The following TANC1 variants were observed in gnomAD, a reference collection of about 807,000 sequenced individuals.
TANC1 encodes tetratricopeptide repeat, ankyrin repeat and coiled-coil containing 1.
Under a neutral mutation model 149.7 loss-of-function variants are expected in TANC1, and 77 were observed. The observed-to-expected ratio is 0.51, with a 90% CI of 0.43 to 0.62. The LOEUF (loss-of-function observed/expected upper bound fraction) is 0.62. Ranked by LOEUF, TANC1 falls within the 20% of genes least tolerant of loss-of-function variation. The probability of loss-of-function intolerance (pLI) is 0.00; values close to 1 mark genes in which losing one functional copy is unlikely to be tolerated. For missense variants in TANC1, 1,985 were observed against 2,321.8 expected, an observed-to-expected ratio of 0.85 and a Z score of 2.98; for synonymous variants, 854 against 925.0, an observed-to-expected ratio of 0.92 and a Z score of 1.39.
At chr2:158,970,296 C>T (rs1306751640) in intron 1 of TANC1, among the ~76,000 whole-genome samples, 1 of 152,146 alleles carries the variant, frequency 6.6e-6, no homozygotes, top group Non-Finnish European at 1.5e-5. Context: ...TTTATTCCTG[C>T]CAGGCTGGCA....
At chr2:159,092,472 A>G (rs2045653703) in intron 3 of TANC1, among the ~76,000 whole-genome samples, 3 of 152,198 alleles carry the variant, frequency 2.0e-5, no homozygotes, top group African/African-American at 7.2e-5. Context: ...ACAGCCTGTA[A>G]TGGTAAAAAC....
At chr2:159,065,494 TTC>T (rs1238255459) in intron 2 of TANC1, among the ~76,000 whole-genome samples, 4 of 152,250 alleles carry the variant, frequency 2.6e-5, no homozygotes, top group African/African-American at 9.6e-5. Flanking sequence ...ACCATGTAGC[TTC>T]TTTCATTATC....
chr2:159,201,589 AT>A (rs1288145020), intron 19 of TANC1, among the ~76,000 whole-genome samples: 3 of 152,178 alleles, frequency 2.0e-5, no homozygotes, highest in African/African-American at 7.2e-5. Context: ...TTTGGTCCTC[AT>A]TCCTGGGTGT....
chr2:159,105,592 T>C (rs2047101465), intron 4 of TANC1, among the ~76,000 whole-genome samples: 2 of 152,338 alleles, frequency 1.3e-5, no homozygotes, highest in South Asian at 2.1e-4. Context: ...AGTCCCTCTA[T>C]ACCCCGCAAA....
At chr2:159,082,189 G>A (rs1441745918) in intron 3 of TANC1, among the ~76,000 whole-genome samples, 2 of 152,200 alleles carry the variant, frequency 1.3e-5, no homozygotes, top group Admixed American at 6.5e-5. Context: ...TCCCAGGGGT[G>A]CACACAGGCC....
chr2:159,194,515 T>G, intron 17 of TANC1, 22 bp downstream of exon 17: 1 of 1,589,980 alleles, frequency 6.3e-7, no homozygotes, highest in Non-Finnish European at 8.6e-7. Context: ...CCTGCTCTTT[T>G]GGGGCTGGGG....
chr2:159,040,454 G>T (rs1482893867), intron 2 of TANC1, among the ~76,000 whole-genome samples: 1 of 152,066 alleles, frequency 6.6e-6, no homozygotes, highest in Admixed American at 6.5e-5. Context: ...GGCTTTGTTC[G>T]TTTCTTTTTA....
intron 3 of TANC1, among the ~76,000 whole-genome samples, chr2:159,096,267 T>C (rs974014855): frequency 4.6e-5 from 7 of 150,552 alleles, no homozygotes; most frequent in Admixed American, 4.0e-4. Context: ...GAAAATGTGT[T>C]ATCTGAATAC....
intron 4 of TANC1, 124 bp from the exon 5 acceptor site, chr2:159,136,070 G>C (rs887750890): frequency 1.5e-6 from 1 of 658,668 alleles, no homozygotes; most frequent in Non-Finnish European, 2.7e-6. Flanking sequence ...GCGTTTAAGG[G>C]AGGGGAAGGC....
chr2:159,153,552 A>G (rs992688116), intron 7 of TANC1, among the ~76,000 whole-genome samples: 2 of 152,216 alleles, frequency 1.3e-5, no homozygotes, highest in East Asian at 1.9e-4. Context: ...CGTGACATGC[A>G]GAATTAGAAC....
rs1194280362 is a variant in TANC1 at position 159,081,878 on chromosome 2, T to G, written c.62-15759T>G. Among the ~76,000 whole-genome samples the G allele has an allele frequency of 2.0e-5, 3 of 152,208 alleles. No homozygotes were observed. In the East Asian group the frequency reaches 5.8e-4, roughly 29 times the overall value. ...CAGCTAACCGCTTCCCAAGAGCCAC[T>G]TCTCTGATGTTAGCCTATAACCAAA... On this transcript the variant is annotated intron_variant, in intron 3 of 26. Transcript: ENST00000263635.
chr2:159,069,310 T>C (rs1283149664), intron 3 of TANC1, among the ~76,000 whole-genome samples: 4 of 152,194 alleles, frequency 2.6e-5, no homozygotes, highest in Non-Finnish European at 5.9e-5. Context: ...GACCTTGAGT[T>C]TGGCCTAAGG....
intron 4 of TANC1, among the ~76,000 whole-genome samples, chr2:159,101,650 G>GAACTTAA (rs1263722185): frequency 6.6e-6 from 1 of 152,096 alleles, no homozygotes; most frequent in Non-Finnish European, 1.5e-5. Context: ...GCAGTTGCAA[G>GAACTTAA]TCTTTTTGGA....
At chr2:159,141,852 G>C (rs1010303047) in intron 5 of TANC1, among the ~76,000 whole-genome samples, 1 of 152,158 alleles carries the variant, frequency 6.6e-6, no homozygotes, top group African/African-American at 2.4e-5. Context: ...ACAGTATTCT[G>C]GTAATCATGG....
intron 4 of TANC1, among the ~76,000 whole-genome samples, chr2:159,123,409 G>A (rs1197157078): frequency 6.6e-6 from 1 of 152,084 alleles, no homozygotes; most frequent in South Asian, 2.1e-4. Flanking sequence ...TCTCCTGGCT[G>A]GTTAGGGAGG....
At chr2:159,096,075 A>G (rs1227379290) in intron 3 of TANC1, among the ~76,000 whole-genome samples, 1 of 152,142 alleles carries the variant, frequency 6.6e-6, no homozygotes, top group Non-Finnish European at 1.5e-5. Flanking sequence ...TTTGTCATAG[A>G]GACTGGTGTG....
intron 4 of TANC1, among the ~76,000 whole-genome samples, chr2:159,099,464 G>T (rs1313432462): frequency 6.6e-6 from 1 of 151,114 alleles, no homozygotes; most frequent in African/African-American, 2.4e-5. Context: ...TACGTCATTT[G>T]TCCTTTTCCC....
At chr2:159,102,804 C>T (rs1171651789) in intron 4 of TANC1, among the ~76,000 whole-genome samples, 5 of 87,226 alleles carry the variant, frequency 5.7e-5, no homozygotes, top group South Asian at 4.1e-4. Flanking sequence ...CTGCAAGCTC[C>T]GCCTCCCAGG....
At chr2:159,087,274 G>A (rs772733126) in intron 3 of TANC1, among the ~76,000 whole-genome samples, 6 of 152,080 alleles carry the variant, frequency 3.9e-5, no homozygotes, top group Non-Finnish European at 8.8e-5. Context: ...GTTGAGTAGT[G>A]GATTCTGTTT....
Sources: allele counts gnomAD v4.1 joint callset (sites outside exome capture counted in the v4.1 genomes callset), GRCh38; gene constraint gnomAD v4.1.1; transcripts MANE v1.5; gene names NCBI Gene and HGNC (gene_info 2026-07-23, HGNC 2026-07-21).